Variants in SLIT2 observed in about 807,000 individuals in gnomAD.
SLIT2 encodes slit homolog 2 protein.
In SLIT2, 41 loss-of-function variants were observed where a neutral mutation model predicts 185.7. The observed-to-expected ratio is 0.22, with a 90% CI of 0.17 to 0.29. The LOEUF (loss-of-function observed/expected upper bound fraction) is 0.29. SLIT2 is among the 10% of genes least tolerant of loss of function. The pLI is 1.00. For synonymous variants in SLIT2, 693 were observed against 680.2 expected (o/e 1.02, Z -0.29); for missense variants, 1,571 against 1,909.0 (o/e 0.82, Z 3.30).
intron 29 of SLIT2, among the ~76,000 whole-genome samples, chr4:20,588,916 C>T (rs1727283400): frequency 6.6e-6 from 1 of 152,068 alleles, no homozygotes; most frequent in South Asian, 2.1e-4. Context: ...TCTCCTTTTA[C>T]TTTTTTCTTT....
intron 6 of SLIT2, among the ~76,000 whole-genome samples, chr4:20,481,169 C>G (rs1421998492): frequency 6.6e-6 from 1 of 151,958 alleles, no homozygotes; most frequent in Non-Finnish European, 1.5e-5. Flanking sequence ...AACACAGTTT[C>G]TCATTAAAAA....
At chr4:20,389,571 G>T (rs900139797) in intron 4 of SLIT2, among the ~76,000 whole-genome samples, 2 of 150,970 alleles carry the variant, frequency 1.3e-5, no homozygotes, top group Non-Finnish European at 2.9e-5. Flanking sequence ...AGAGTGTTTT[G>T]TGGCTACAGA....
intron 4 of SLIT2, among the ~76,000 whole-genome samples, chr4:20,415,943 C>A (rs1404278108): frequency 1.3e-5 from 2 of 152,142 alleles, no homozygotes; most frequent in African/African-American, 4.8e-5. Flanking sequence ...TTCTTATCCT[C>A]AGTTCCAAGA....
At chr4:20,402,943 A>G (rs1207540653) in intron 4 of SLIT2, among the ~76,000 whole-genome samples, 35 of 151,756 alleles carry the variant, frequency 2.3e-4, no homozygotes, top group Non-Finnish European at 5.9e-5. Flanking sequence ...ATTTATATAA[A>G]ATTCTCAAAT....
chr4:20,279,077 T>C, intron 4 of SLIT2, among the ~76,000 whole-genome samples: 1 of 152,132 alleles, frequency 6.6e-6, no homozygotes, highest in Non-Finnish European at 1.5e-5. Flanking sequence ...AGATAAACTC[T>C]CCAGGCTTGC....
chr4:20,324,593 A>G (rs778443706), intron 4 of SLIT2, among the ~76,000 whole-genome samples: 3 of 152,172 alleles, frequency 2.0e-5, no homozygotes, highest in African/African-American at 4.8e-5. Flanking sequence ...GTTGATGACA[A>G]TAAATAATTT....
chr4:20,287,545 G>T (rs1433776649), intron 4 of SLIT2, among the ~76,000 whole-genome samples: 8 of 152,270 alleles, frequency 5.3e-5, no homozygotes, highest in Admixed American at 5.2e-4. Flanking sequence ...TTGGTCCTTA[G>T]TTGGAACTTT....
intron 4 of SLIT2, among the ~76,000 whole-genome samples, chr4:20,338,739 A>G (rs558544299): frequency 2.3e-4 from 35 of 152,202 alleles, no homozygotes; most frequent in Non-Finnish European, 1.0e-4. Flanking sequence ...TATATACACA[A>G]TCTCTTCTTA....
Position 20,532,043 on chromosome 4 carries a change from C to A in SLIT2, c.1673C>A (p.Pro558His). 6.4e-7 allele frequency: 1 copy of A among 1,566,192 alleles called. No homozygotes were observed. The highest frequency in any genetic ancestry group is 8.6e-7 in the Non-Finnish European group (1 of 1,159,920). ...GCCACAGGAATCTTTAAGAAACTTCCTCAATTACGTAAAATGTAAGTCACT... is the reference window on the plus strand; with the variant it reads ...GCCACAGGAATCTTTAAGAAACTTCATCAATTACGTAAAATGTAAGTCACT... ...LEATGIFKKL[P>H]QLRKINFSNN... The change falls in exon 17 of 37, where the codon CCT becomes CAT. Residue 558 changes from proline (P) to histidine (H), a missense_variant. Coordinates refer to ENST00000504154, the MANE Select transcript of SLIT2 (RefSeq NM_004787.4).
intron 4 of SLIT2, among the ~76,000 whole-genome samples, chr4:20,386,059 C>A (rs973184548): frequency 6.6e-6 from 1 of 152,050 alleles, no homozygotes; most frequent in Non-Finnish European, 1.5e-5. Context: ...ACACTTTCAC[C>A]TCCCCCCACC....
chr4:20,575,144 T>C, intron 29 of SLIT2, among the ~76,000 whole-genome samples: 1 of 152,226 alleles, frequency 6.6e-6, no homozygotes, highest in Non-Finnish European at 1.5e-5. Flanking sequence ...CCTTAAATTG[T>C]TGTGTATACT....
At chr4:20,368,533 TGAG>T (rs1194979864) in intron 4 of SLIT2, among the ~76,000 whole-genome samples, 1 of 152,066 alleles carries the variant, frequency 6.6e-6, no homozygotes, top group African/African-American at 2.4e-5. Flanking sequence ...AAGAGGTTAA[TGAG>T]GAGGTTTCCC....
At chr4:20,524,904 C>T (rs553134744) in intron 14 of SLIT2, among the ~76,000 whole-genome samples, 6 of 152,112 alleles carry the variant, frequency 3.9e-5, no homozygotes, top group South Asian at 2.1e-4. Context: ...CTATTCCAGG[C>T]GTATTTCACA....
At chr4:20,299,805 T>TTA (rs1449596563) in intron 4 of SLIT2, among the ~76,000 whole-genome samples, 2 of 152,090 alleles carry the variant, frequency 1.3e-5, no homozygotes, top group Non-Finnish European at 2.9e-5. Flanking sequence ...AATACTTTCT[T>TTA]TAGCCTTGGC....
intron 4 of SLIT2, among the ~76,000 whole-genome samples, chr4:20,279,611 C>G (rs1714523030): frequency 6.6e-6 from 1 of 152,144 alleles, no homozygotes; most frequent in African/African-American, 2.4e-5. Flanking sequence ...CACTCAATTA[C>G]CTGCCAAGCG....
At chr4:20,441,062 A>G (rs1252600848) in intron 4 of SLIT2, among the ~76,000 whole-genome samples, 2 of 148,258 alleles carry the variant, frequency 1.3e-5, no homozygotes, top group Non-Finnish European at 3.0e-5. Context: ...GAAGCCTCCA[A>G]AAAAAAAAAA....
At chr4:20,358,969 A>G (rs1009219164) in intron 4 of SLIT2, among the ~76,000 whole-genome samples, 5 of 152,154 alleles carry the variant, frequency 3.3e-5, no homozygotes, top group African/African-American at 1.2e-4. Flanking sequence ...ACATAAATAG[A>G]CAAGATTGAT....
intron 16 of SLIT2, among the ~76,000 whole-genome samples, chr4:20,531,313 C>T (rs1721787434): frequency 6.6e-6 from 1 of 152,094 alleles, no homozygotes; most frequent in Admixed American, 6.6e-5. Context: ...TGAAGCACTG[C>T]CATATGCTAC....
chr4:20,602,147 T>C (rs1259060423), intron 33 of SLIT2, among the ~76,000 whole-genome samples: 2 of 152,248 alleles, frequency 1.3e-5, no homozygotes, highest in Non-Finnish European at 2.9e-5. Context: ...AATTATTTTA[T>C]GAAATTATCT....
Sources: allele counts gnomAD v4.1 joint callset (sites outside exome capture counted in the v4.1 genomes callset), GRCh38; gene constraint gnomAD v4.1.1; transcripts MANE v1.5; gene names NCBI Gene and HGNC (gene_info 2026-07-23, HGNC 2026-07-21).